PKHD1: variants seen among roughly 807,000 people sequenced by gnomAD.
PKHD1 encodes the protein PKHD1 ciliary IPT domain containing fibrocystin/polyductin.
A neutral mutation model predicts 412.0 loss-of-function variants in PKHD1; 291 were observed. The observed-to-expected ratio is 0.71, with a 90% CI of 0.64 to 0.78. The LOEUF is 0.78. Ranked by LOEUF, PKHD1 falls within the 30% of genes least tolerant of loss-of-function variation. The probability of loss-of-function intolerance (pLI) is 0.00; values close to 1 mark genes in which losing one functional copy is unlikely to be tolerated. For synonymous variants in PKHD1, 1,777 were observed against 1,821.5 expected (o/e 0.98, Z 0.62); for missense variants, 4,825 against 4,950.7 (o/e 0.97, Z 0.76).
intron 60 of PKHD1, among the ~76,000 whole-genome samples, chr6:51,743,560 C>T (rs1784825557): frequency 6.6e-6 from 1 of 152,066 alleles, no homozygotes; most frequent in East Asian, 1.9e-4. Context: ...TGGAAGTCAT[C>T]AGCATTTGAT....
In PKHD1 at chr6:52,054,109, G is replaced by C. The variant is rs886061620; in HGVS notation, c.1893C>G (p.Phe631Leu). ...MNKILKMIVS[F>L]TIGFQNMVKN... ...TTACCATGTTTTGAAAGCCGATTGT[G>C]AAGGACACAATCATCTTCAGGATCT... Residue 631 changes from phenylalanine to leucine, a missense_variant, in exon 20 of 67, where the codon TTC becomes TTG. Physicochemically the swap from Phe to Leu is conservative, Grantham distance 22 (BLOSUM62 0). Transcript: ENST00000371117. The C allele has an allele frequency of 3.3e-5, 53 of 1,613,626 alleles. No individual in the cohort carries two copies. Among genetic ancestry groups the C allele is most frequent in the Non-Finnish European group, 4.5e-5 (53 of 1,179,652 alleles).
intron 50 of PKHD1, among the ~76,000 whole-genome samples, chr6:51,844,419 T>C (rs1289649967): frequency 6.6e-6 from 1 of 152,206 alleles, no homozygotes; most frequent in Non-Finnish European, 1.5e-5. Flanking sequence ...ACATATTGTA[T>C]GCGTATGATT....
At chr6:52,008,852 C>A (rs1048969093) in intron 35 of PKHD1, among the ~76,000 whole-genome samples, 1 of 152,162 alleles carries the variant, frequency 6.6e-6, no homozygotes, top group African/African-American at 2.4e-5. Flanking sequence ...CAAACCCGGG[C>A]AGTCTAGCTC....
At chr6:51,755,065 A>G in intron 55 of PKHD1, 127 bp from the exon 56 acceptor site, 1 of 854,190 alleles carries the variant, frequency 1.2e-6, no homozygotes, top group Non-Finnish European at 2.0e-6. Flanking sequence ...AAATAGAAAT[A>G]AGACATGGCA....
intron 66 of PKHD1, 135 bp downstream of exon 66, chr6:51,626,862 T>C (rs548587836): frequency 3.4e-6 from 3 of 875,586 alleles, no homozygotes; most frequent in East Asian, 2.4e-5. Flanking sequence ...GTATAATTTC[T>C]TTGAAGGAAA....
Position 51,747,953 on chromosome 6 carries a change from C to A in PKHD1, c.9663G>T (p.Pro3221=), listed in dbSNP as rs371508721. The A allele has an allele frequency of 6.2e-6, 10 of 1,613,990 alleles. No homozygotes were observed. The highest frequency in any genetic ancestry group is 6.8e-6 in the Non-Finnish European group (8 of 1,179,950). The stretch of plus-strand genomic sequence containing the variant: ...CTGTTGATGTCAAGTTGGCTGAGTG[C>A]GGCTTCACTTTGTCCTGAATGCAGT... The part of the protein sequence containing the change: ...SFDCIQDKVK[P]HSANLTSTDR... The change falls in exon 58 of 67, where the codon CCG becomes CCT. Residue 3221 remains proline (P), a synonymous_variant. Coordinates refer to ENST00000371117, the MANE Select transcript of PKHD1 (RefSeq NM_138694.4).
chr6:51,657,392 T>C (rs140485391), intron 61 of PKHD1, among the ~76,000 whole-genome samples: 78 of 152,270 alleles, frequency 5.1e-4, no homozygotes, highest in African/African-American at 1.9e-3. Flanking sequence ...TGGCATTTCT[T>C]ATTCGGGAGA....
At chr6:51,779,465 C>T (rs1307014200) in intron 53 of PKHD1, among the ~76,000 whole-genome samples, 1 of 152,074 alleles carries the variant, frequency 6.6e-6, no homozygotes, top group Non-Finnish European at 1.5e-5. Flanking sequence ...TAAAACTATA[C>T]TGTAAGGGCC....
At chr6:51,703,116 T>A (rs1485585552) in intron 60 of PKHD1, among the ~76,000 whole-genome samples, 1 of 152,028 alleles carries the variant, frequency 6.6e-6, no homozygotes, top group Non-Finnish European at 1.5e-5. Context: ...TAGAAAGTGC[T>A]ACATAAACAA....
intron 35 of PKHD1, among the ~76,000 whole-genome samples, chr6:51,977,924 T>C (rs552292704): frequency 1.3e-5 from 2 of 152,092 alleles, no homozygotes; most frequent in Non-Finnish European, 2.9e-5. Flanking sequence ...CTTAAAGAGA[T>C]CTTTCCCAAG....
intron 8 of PKHD1, among the ~76,000 whole-genome samples, chr6:52,071,771 C>G (rs1363648601): frequency 6.6e-6 from 1 of 152,098 alleles, no homozygotes; most frequent in Non-Finnish European, 1.5e-5. Flanking sequence ...TCTCAAATTC[C>G]TCATCTATAA....
chr6:52,073,925 G>A (rs1810999917), intron 6 of PKHD1, among the ~76,000 whole-genome samples: 1 of 152,100 alleles, frequency 6.6e-6, no homozygotes, highest in Admixed American at 6.6e-5. Flanking sequence ...CGAGATTTAA[G>A]GACAATGTGC....
chr6:51,700,808 T>C (rs1281722304), intron 60 of PKHD1, among the ~76,000 whole-genome samples: 4 of 152,106 alleles, frequency 2.6e-5, no homozygotes, highest in Non-Finnish European at 5.9e-5. Context: ...GGCTGAGTCA[T>C]TTTCTAAGAG....
intron 66 of PKHD1, among the ~76,000 whole-genome samples, chr6:51,625,579 AG>A (rs1270897515): frequency 6.6e-6 from 1 of 152,166 alleles, no homozygotes; most frequent in African/African-American, 2.4e-5. Flanking sequence ...ACTTTTCCAC[AG>A]AGCCCTTTCC....
At chr6:52,047,247 C>G (rs541435870) in intron 23 of PKHD1, among the ~76,000 whole-genome samples, 1 of 152,246 alleles carries the variant, frequency 6.6e-6, no homozygotes, top group South Asian at 2.1e-4. Flanking sequence ...CTCATAGAGG[C>G]AGGGCACGAT....
chr6:51,777,183 G>A (rs916336500), intron 53 of PKHD1, among the ~76,000 whole-genome samples: 11 of 152,044 alleles, frequency 7.2e-5, no homozygotes, highest in Admixed American at 3.9e-4. Context: ...ACTTACAATT[G>A]CCTGGTTTTC....
chr6:51,658,197 CTTTTAA>C (rs1174917463), intron 61 of PKHD1, among the ~76,000 whole-genome samples: 1 of 151,974 alleles, frequency 6.6e-6, no homozygotes, highest in Non-Finnish European at 1.5e-5. Context: ...CTATGAGTAC[CTTTTAA>C]TTTTAAGTTA....
At chr6:51,834,851 G>T (rs1248186074) in intron 51 of PKHD1, among the ~76,000 whole-genome samples, 1 of 152,054 alleles carries the variant, frequency 6.6e-6, no homozygotes, top group African/African-American at 2.4e-5. Flanking sequence ...GCTCAATAAG[G>T]CAATTTAAAC....
intron 60 of PKHD1, among the ~76,000 whole-genome samples, chr6:51,702,910 T>C: frequency 7.0e-6 from 1 of 143,002 alleles, no homozygotes. Flanking sequence ...TTTTTTTTGC[T>C]TGCGGTTACC....
Sources: gnomAD v4.1 joint callset for allele counts (sites outside exome capture counted in the v4.1 genomes callset) on GRCh38, gnomAD v4.1.1 for gene constraint, MANE v1.5 for transcripts, NCBI Gene and HGNC (gene_info 2026-07-23, HGNC 2026-07-21) for gene names.